Variants in NPIPB2 observed in about 807,000 individuals in gnomAD.
NPIPB2 encodes nuclear pore complex interacting protein family member B2.
A neutral mutation model predicts 30.8 loss-of-function variants in NPIPB2; 27 were observed. The ratio of observed to expected loss-of-function variants is 0.88; its 90% CI spans 0.65 to 1.21. The LOEUF (loss-of-function observed/expected upper bound fraction) is 1.21. Ranked by LOEUF, NPIPB2 falls within the 50% of genes most tolerant of loss-of-function variation. The pLI, the probability that NPIPB2 is intolerant of heterozygous loss-of-function variation, is 0.00. For synonymous variants in NPIPB2, 147 were observed against 162.0 expected (o/e 0.91, Z 0.70); for missense variants, 440 against 446.2 (o/e 0.99, Z 0.13).
chr16:11,961,044 GT>G (rs530768084), intron 1 of NPIPB2, among the ~76,000 whole-genome samples: 12 of 151,864 alleles, frequency 7.9e-5, no homozygotes, highest in Non-Finnish European at 1.6e-4. Context: ...TGTATTTTTA[GT>G]AGAGACTGGG....
chr16:11,934,066 A>G, intron 2 of NPIPB2, 142 bp from the exon 3 acceptor site: 2 of 669,750 alleles, frequency 3.0e-6, no homozygotes, highest in Non-Finnish European at 5.2e-6. Context: ...CCCCGTCTCT[A>G]CTAAAAATAC....
chr16:11,966,300 A>G, intron 1 of NPIPB2: 1 of 1,614,056 alleles, frequency 6.2e-7, no homozygotes, highest in Non-Finnish European at 8.5e-7. Context: ...TTGCTAAGGA[A>G]GATAAACTCT....
At chr16:11,976,055 T>G (rs1384585660) in intron 1 of NPIPB2, among the ~76,000 whole-genome samples, 10 of 151,994 alleles carry the variant, frequency 6.6e-5, no homozygotes, top group African/African-American at 2.2e-4. Flanking sequence ...TGCTGGGACC[T>G]TCCTAGAATT....
chr16:11,958,196 C>A (rs570304466), intron 1 of NPIPB2, among the ~76,000 whole-genome samples: 13 of 151,870 alleles, frequency 8.6e-5, no homozygotes, highest in African/African-American at 2.9e-4. Flanking sequence ...GAGACTGTGG[C>A]GGGCAGATCA....
intron 1 of NPIPB2, chr16:11,966,197 G>T (rs1485907896): frequency 6.2e-7 from 1 of 1,612,010 alleles, no homozygotes; most frequent in Non-Finnish European, 8.5e-7. Context: ...TCATAAAGGT[G>T]TGACCAATTC....
chr16:11,974,325 C>G (rs889286046), intron 1 of NPIPB2, among the ~76,000 whole-genome samples: 1 of 151,968 alleles, frequency 6.6e-6, no homozygotes, highest in Non-Finnish European at 1.5e-5. Context: ...CAAGGCTGAC[C>G]AACATGGTGA....
At chr16:11,947,175 A>G (rs13337222) in intron 1 of NPIPB2, among the ~76,000 whole-genome samples, 45,764 of 146,636 alleles carry the variant, frequency 0.31, 8,874 homozygotes, top group Non-Finnish European at 0.45. Context: ...GCAGGTCTCA[A>G]ACTCCTGGGC....
At position 11,933,822 on chromosome 16, in the gene NPIPB2, T is replaced by C. The variant is rs774551603; in HGVS notation, c.292+3A>G. 2 of 1,588,878 alleles carry C rather than the reference T, an allele frequency of 1.3e-6. No homozygotes were observed. The highest frequency in any genetic ancestry group is 1.7e-5 in the Admixed American group (1 of 60,000). ...CACTATGGGGACTCCAACAGAGCCA[T>C]ACCTTCCTGTCTACGGCGGTTGGAC... On this transcript the variant is annotated splice_donor_region_variant and intron_variant, in intron 3 of 7. Coordinates refer to ENST00000399147, the Ensembl canonical transcript of NPIPB2.
intron 1 of NPIPB2, among the ~76,000 whole-genome samples, chr16:11,969,159 G>A (rs1208903898): frequency 6.6e-6 from 1 of 151,992 alleles, no homozygotes; most frequent in Non-Finnish European, 1.5e-5. Flanking sequence ...GAGCTATCGC[G>A]CCCGGCCCCA....
intron 1 of NPIPB2, chr16:11,941,756 C>T (rs890722350): frequency 3.3e-5 from 30 of 915,262 alleles, no homozygotes; most frequent in African/African-American, 2.6e-4. Flanking sequence ...AAGTAGCGCC[C>T]GCATCATTCC....
At chr16:11,935,308 G>A (rs1360531449) in intron 2 of NPIPB2, among the ~76,000 whole-genome samples, 4 of 152,104 alleles carry the variant, frequency 2.6e-5, no homozygotes, top group African/African-American at 9.7e-5. Context: ...ATCTCCTGAG[G>A]TAGTCATTGA....
At chr16:11,954,534 T>C (rs1315138493) in intron 1 of NPIPB2, among the ~76,000 whole-genome samples, 1 of 151,446 alleles carries the variant, frequency 6.6e-6, no homozygotes, top group East Asian at 1.9e-4. Flanking sequence ...GACGCTTTTA[T>C]GTATAATTGA....
upstream of NPIPB2, among the ~76,000 whole-genome samples, chr16:11,946,172 G>T (rs2055007055): frequency 1.3e-5 from 2 of 151,952 alleles, no homozygotes; most frequent in African/African-American, 4.8e-5. Context: ...GATCGCCTGA[G>T]GTCAGGAGTT....
chr16:11,960,094 T>A (rs2055142728), intron 1 of NPIPB2, among the ~76,000 whole-genome samples: 1 of 152,074 alleles, frequency 6.6e-6, no homozygotes, highest in Non-Finnish European at 1.5e-5. Context: ...TGTTTTTCAC[T>A]TAGTGATTTA....
intron 1 of NPIPB2, among the ~76,000 whole-genome samples, chr16:11,938,731 C>T (rs2054899899): frequency 6.6e-6 from 1 of 152,066 alleles, no homozygotes; most frequent in Non-Finnish European, 1.5e-5. Flanking sequence ...GTAAGACAAG[C>T]TAAGTATAAA....
intron 1 of NPIPB2, among the ~76,000 whole-genome samples, chr16:11,949,683 C>T (rs1169519039): frequency 6.1e-4 from 93 of 152,342 alleles, no homozygotes; most frequent in Non-Finnish European, 5.9e-5. Flanking sequence ...AGCCCTGGCT[C>T]ACCTGAGCCA....
At chr16:11,976,410 C>A (rs1415064210) in intron 1 of NPIPB2, among the ~76,000 whole-genome samples, 1 of 152,238 alleles carries the variant, frequency 6.6e-6, no homozygotes, top group East Asian at 1.9e-4. Context: ...CCGCCTGTGC[C>A]CACGCTTTGT....
intron 1 of NPIPB2, among the ~76,000 whole-genome samples, chr16:11,948,766 CA>C (rs34639444): frequency 1.1e-3 from 72 of 67,246 alleles, no homozygotes; most frequent in South Asian, 2.6e-3. Context: ...GACTCCGTCT[CA>C]AAAAAAAAAA....
intron 1 of NPIPB2, among the ~76,000 whole-genome samples, chr16:11,953,517 A>G (rs1320349164): frequency 6.6e-6 from 1 of 151,676 alleles, no homozygotes. Context: ...TGCCTGGTTA[A>G]CTTTTTGTAT....
Sources: gnomAD v4.1 joint callset for allele counts (sites outside exome capture counted in the v4.1 genomes callset) on GRCh38, gnomAD v4.1.1 for gene constraint, MANE v1.5 for transcripts, NCBI Gene and HGNC (gene_info 2026-07-23, HGNC 2026-07-21) for gene names.